The following GPC5 variants were observed in gnomAD, a reference collection of about 807,000 sequenced individuals.
GPC5 encodes glypican 5.
In GPC5, 47 loss-of-function variants were observed where a neutral mutation model predicts 53.9. The ratio of observed to expected loss-of-function variants is 0.87; its 90% CI spans 0.69 to 1.11. The LOEUF is 1.11. GPC5 is among the 50% of genes most tolerant of loss of function. GPC5 has a pLI of 0.00. For synonymous variants in GPC5, 286 were observed against 263.3 expected (o/e 1.09, Z -0.84); for missense variants, 748 against 713.1 (o/e 1.05, Z -0.56).
intron 5 of GPC5, among the ~76,000 whole-genome samples, chr13:91,801,199 A>T (rs1440330778): frequency 7.9e-5 from 12 of 151,896 alleles, no homozygotes; most frequent in African/African-American, 2.9e-4. Context: ...TTATGGTTTT[A>T]TCTAAATCCA....
At chr13:91,737,021 G>A (rs560907356) in intron 4 of GPC5, among the ~76,000 whole-genome samples, 11 of 151,330 alleles carry the variant, frequency 7.3e-5, no homozygotes, top group Admixed American at 2.0e-4. Context: ...GGAGAATGGC[G>A]TGAACCTGGG....
chr13:92,330,823 C>G lies in GPC5; in HGVS notation c.1561+185834C>G, dbSNP rs76448888. 4.6e-5 allele frequency among the ~76,000 whole-genome samples: 7 copies of G among 152,202 alleles called. No individual in the cohort carries two copies. The South Asian group carries it at 1.5e-3, about 32-fold the overall frequency. ...ACTCAGGTGTGGGCCATGGTGGAGC[C>G]GAGGTCAACAATGGCTGACCAGCAC... is the stretch of plus-strand genomic sequence containing the variant. On this transcript the variant is annotated intron_variant, in intron 7 of 7. Coordinates refer to ENST00000377067, the MANE Select transcript of GPC5 (RefSeq NM_004466.6).
chr13:92,714,639 G>T (rs1360811490), intron 7 of GPC5, among the ~76,000 whole-genome samples: 1 of 152,066 alleles, frequency 6.6e-6, no homozygotes, highest in African/African-American at 2.4e-5. Flanking sequence ...GAGATATTGT[G>T]GCATATATGA....
At chr13:92,523,207 AC>A in intron 7 of GPC5, among the ~76,000 whole-genome samples, 1 of 152,250 alleles carries the variant, frequency 6.6e-6, no homozygotes, top group African/African-American at 2.4e-5. Flanking sequence ...TTCACTATTG[AC>A]CTTCTGGAAC....
intron 3 of GPC5, among the ~76,000 whole-genome samples, chr13:91,717,965 G>A (rs1235710702): frequency 1.3e-5 from 2 of 152,108 alleles, no homozygotes; most frequent in African/African-American, 4.8e-5. Flanking sequence ...TCTCCATTTT[G>A]CTTTTATCTA....
chr13:91,690,490 A>G (rs2139794528), intron 2 of GPC5, among the ~76,000 whole-genome samples: 1 of 152,274 alleles, frequency 6.6e-6, no homozygotes, highest in African/African-American at 2.4e-5. Context: ...AGAAATAATG[A>G]TATTTGGAAA....
intron 5 of GPC5, among the ~76,000 whole-genome samples, chr13:91,790,894 A>C (rs1393939120): frequency 1.3e-5 from 2 of 152,140 alleles, no homozygotes; most frequent in Non-Finnish European, 2.9e-5. Flanking sequence ...CATTGTCTGA[A>C]ATGCTGGTGT....
intron 2 of GPC5, among the ~76,000 whole-genome samples, chr13:91,544,304 A>C (rs185180685): frequency 1.3e-5 from 2 of 152,050 alleles, no homozygotes; most frequent in African/African-American, 4.8e-5. Context: ...TAGACACAAT[A>C]TTTTTAAAGA....
intron 5 of GPC5, among the ~76,000 whole-genome samples, chr13:91,897,898 C>T (rs1011699270): frequency 1.3e-5 from 2 of 152,064 alleles, no homozygotes; most frequent in Non-Finnish European, 2.9e-5. Flanking sequence ...TGTGATTTAC[C>T]TCAACACTTT....
intron 7 of GPC5, among the ~76,000 whole-genome samples, chr13:92,824,166 C>T (rs1435660136): frequency 1.3e-5 from 2 of 151,826 alleles, no homozygotes; most frequent in Non-Finnish European, 2.9e-5. Context: ...GGATGTTTTC[C>T]ATTTCCTCTT....
Position 92,185,513 on chromosome 13 carries a change from A to T in GPC5, c.1561+40524A>T, listed in dbSNP as rs2042177573. Among the ~76,000 whole-genome samples, 5 of 152,150 alleles carry T rather than the reference A, an allele frequency of 3.3e-5. No individual in the cohort carries two copies. In the South Asian group the frequency reaches 1.0e-3, roughly 32 times the overall value. On this transcript the variant is annotated intron_variant, in intron 7 of 7. Coordinates refer to ENST00000377067, the MANE Select transcript of GPC5 (RefSeq NM_004466.6). ...AGTCATACTTTAGAGCATTTTCAAA[A>T]ATAAATGACTCCTTTTCACCACAAT...
chr13:92,698,038 A>C (rs1887610055), intron 7 of GPC5, among the ~76,000 whole-genome samples: 1 of 152,186 alleles, frequency 6.6e-6, no homozygotes. Flanking sequence ...CTTGCATCCC[A>C]GGGACGAAGC....
chr13:92,370,947 G>A (rs925211898), intron 7 of GPC5, among the ~76,000 whole-genome samples: 2 of 152,064 alleles, frequency 1.3e-5, no homozygotes, highest in African/African-American at 2.4e-5. Context: ...TCAGGAGTTC[G>A]AGACCAGCCT....
At chr13:91,774,774 T>A (rs1272161465) in intron 5 of GPC5, among the ~76,000 whole-genome samples, 1 of 152,196 alleles carries the variant, frequency 6.6e-6, no homozygotes, top group East Asian at 1.9e-4. Context: ...AAATCAACTC[T>A]GTGCTGCAAT....
intron 7 of GPC5, among the ~76,000 whole-genome samples, chr13:92,660,387 T>C (rs1886294477): frequency 1.3e-5 from 2 of 151,852 alleles, no homozygotes; most frequent in East Asian, 1.9e-4. Flanking sequence ...AGGCACATCA[T>C]TTCTCTAGAA....
intron 7 of GPC5, among the ~76,000 whole-genome samples, chr13:92,724,842 T>C (rs557662426): frequency 9.4e-5 from 14 of 149,450 alleles, no homozygotes; most frequent in African/African-American, 3.4e-4. Context: ...TAAAGATTTC[T>C]TAAAAGGGTA....
intron 7 of GPC5, among the ~76,000 whole-genome samples, chr13:92,845,356 G>C (rs1454616285): frequency 1.3e-5 from 2 of 152,110 alleles, no homozygotes; most frequent in African/African-American, 4.8e-5. Flanking sequence ...GAAGGCCCAT[G>C]GTGTTATCTC....
intron 5 of GPC5, among the ~76,000 whole-genome samples, chr13:91,898,114 T>C (rs1356970954): frequency 6.6e-6 from 1 of 152,192 alleles, no homozygotes; most frequent in Non-Finnish European, 1.5e-5. Flanking sequence ...GCAGGCAATT[T>C]AACATCATGT....
At chr13:92,651,555 A>C (rs1276277890) in intron 7 of GPC5, among the ~76,000 whole-genome samples, 1 of 152,146 alleles carries the variant, frequency 6.6e-6, no homozygotes, top group African/African-American at 2.4e-5. Flanking sequence ...GCCTATAGAG[A>C]CATGACAACC....
Sources: allele counts gnomAD v4.1 joint callset (sites outside exome capture counted in the v4.1 genomes callset), GRCh38; gene constraint gnomAD v4.1.1; transcripts MANE v1.5; gene names NCBI Gene and HGNC (gene_info 2026-07-23, HGNC 2026-07-21).